The following ANKHD1 variants were observed in gnomAD, a reference collection of about 807,000 sequenced individuals.
ANKHD1 encodes the protein ankyrin repeat and KH domain-containing protein 1.
ANKHD1 carries 31 observed loss-of-function variants against 230.5 expected under a neutral mutation model. That is an observed-to-expected ratio of 0.13 (90% CI 0.10 to 0.18). The LOEUF (loss-of-function observed/expected upper bound fraction) is 0.18, where lower values mean the gene tolerates loss of function less well. ANKHD1 is among the 10% of genes least tolerant of loss of function. The probability of loss-of-function intolerance (pLI) is 1.00; values close to 1 mark genes in which losing one functional copy is unlikely to be tolerated. For synonymous variants in ANKHD1, 1,074 were observed against 1,117.6 expected, an observed-to-expected ratio of 0.96 and a Z score of 0.78; for missense variants, 2,256 against 3,071.3, an observed-to-expected ratio of 0.73 and a Z score of 6.27.
intron 10 of ANKHD1, among the ~76,000 whole-genome samples, chr5:140,478,468 A>G (rs1158104222): frequency 1.3e-5 from 2 of 151,904 alleles, no homozygotes; most frequent in Non-Finnish European, 1.5e-5. Context: ...ATAAATGTGA[A>G]TGCTCAGGTG....
chr5:140,457,275 C>T (rs1581274313), intron 7 of ANKHD1, among the ~76,000 whole-genome samples: 2 of 152,194 alleles, frequency 1.3e-5, no homozygotes, highest in African/African-American at 4.8e-5. Flanking sequence ...ACTAGTTCAA[C>T]CATTGTGGTA....
chr5:140,470,380 A>C (rs1306252790), intron 10 of ANKHD1, among the ~76,000 whole-genome samples: 1 of 145,778 alleles, frequency 6.9e-6, no homozygotes, highest in Non-Finnish European at 1.5e-5. Context: ...GTGGGGTGAT[A>C]TTTTCTTTTT....
chr5:140,505,647 C>T (rs1038023036), intron 17 of ANKHD1, 77 bp from the exon 18 acceptor site: 2 of 1,505,820 alleles, frequency 1.3e-6, no homozygotes, highest in Admixed American at 2.3e-5. Flanking sequence ...TGCTAAAATA[C>T]TAGAGAATTG....
chr5:140,436,311 T>C, intron 2 of ANKHD1, 54 bp downstream of exon 2: 4 of 1,375,632 alleles, frequency 2.9e-6, no homozygotes, highest in Non-Finnish European at 2.8e-6. Context: ...TAGATCTCTT[T>C]ACAGTTACAT....
chr5:140,480,376 A>G (rs1015149838), intron 10 of ANKHD1, among the ~76,000 whole-genome samples: 1 of 152,110 alleles, frequency 6.6e-6, no homozygotes, highest in African/African-American at 2.4e-5. Flanking sequence ...TTTTAAATAT[A>G]CAGAATTAAC....
In ANKHD1 at chr5:140,470,345, AT is replaced by A. The variant is rs747520769; in HGVS notation, c.1782+5583del. 6.6e-3 allele frequency among the ~76,000 whole-genome samples: 939 copies of A among 142,448 alleles called. 1 individual carries two copies. The highest frequency in any genetic ancestry group is 9.1e-3 in the Non-Finnish European group (590 of 64,610). The allele number at this position is 142,448 out of a possible 152,430, so 93.5% of individuals were successfully genotyped here. ...GTTGTCATAGTATTTAATTTTTAAA[AT>A]TTTTTTTTTTTTTAGTGGTGACCGT... On this transcript the variant is annotated intron_variant, in intron 10 of 33. Coordinates refer to ENST00000360839, the MANE Select transcript of ANKHD1 (RefSeq NM_017747.3).
intron 7 of ANKHD1, among the ~76,000 whole-genome samples, chr5:140,452,821 C>G (rs775905228): frequency 9.2e-5 from 14 of 152,172 alleles, no homozygotes; most frequent in Non-Finnish European, 1.6e-4. Flanking sequence ...CTCTCCCCCT[C>G]CAAAGGAACG....
chr5:140,533,132 G>A (rs1720621226), intron 29 of ANKHD1, among the ~76,000 whole-genome samples: 2 of 151,036 alleles, frequency 1.3e-5, no homozygotes, highest in African/African-American at 4.9e-5. Context: ...CTTTACAAAA[G>A]ACTGACAGAT....
At chr5:140,436,078 A>T in intron 1 of ANKHD1, 26 bp from the exon 2 acceptor site, 2 of 1,507,770 alleles carry the variant, frequency 1.3e-6, no homozygotes, top group Non-Finnish European at 1.8e-6. Context: ...AGTTTCATGG[A>T]TATTGCATCT....
At chr5:140,410,231 T>TA (rs1279642931) in intron 1 of ANKHD1, among the ~76,000 whole-genome samples, 2 of 152,206 alleles carry the variant, frequency 1.3e-5, no homozygotes, top group Admixed American at 6.5e-5. Context: ...TCCCTACTGT[T>TA]ACACAGATGG....
chr5:140,454,835 T>C (rs2126954726), intron 7 of ANKHD1, among the ~76,000 whole-genome samples: 1 of 152,156 alleles, frequency 6.6e-6, no homozygotes, highest in South Asian at 2.1e-4. Context: ...ATTCAAAAGC[T>C]AGCAGAAGGC....
intron 24 of ANKHD1, among the ~76,000 whole-genome samples, chr5:140,520,581 A>G (rs919865465): frequency 3.9e-5 from 6 of 151,910 alleles, no homozygotes; most frequent in Admixed American, 3.3e-4. Context: ...CATATACACC[A>G]TGGAATACTA....
At chr5:140,468,148 C>A (rs188162398) in intron 10 of ANKHD1, among the ~76,000 whole-genome samples, 5 of 133,630 alleles carry the variant, frequency 3.7e-5, no homozygotes, top group African/African-American at 1.4e-4. Flanking sequence ...GATCTCGGCT[C>A]ACTGCAACCT....
Position 140,402,030 on chromosome 5 carries a change from G to A in ANKHD1, c.63G>A (p.Pro21=). 1 of 1,503,474 alleles carries A rather than the reference G, an allele frequency of 6.7e-7. No homozygotes were observed. The highest frequency in any genetic ancestry group is 8.8e-7 in the Non-Finnish European group (1 of 1,132,114). The allele number at this position is 1,503,474 out of a possible 1,614,324, so 93.1% of individuals were successfully genotyped here. Residue 21 remains proline (P), a synonymous_variant, in exon 1 of 34, where the codon CCG becomes CCA. Transcript: ENST00000360839. ...AGGAGGACCTGGACTCTGTGGCTCC[G>A]CGATCCGCCCCAGCTGGGGCCTCGG... The part of the protein sequence containing the change: ...SFEEDLDSVA[P]RSAPAGASEP...
intron 30 of ANKHD1, among the ~76,000 whole-genome samples, chr5:140,536,379 C>A (rs1254279269): frequency 6.6e-6 from 1 of 152,220 alleles, no homozygotes; most frequent in African/African-American, 2.4e-5. Context: ...CAGGCGTGAG[C>A]CACCTGCCTG....
rs758871325 is a variant in ANKHD1, at chr5:140,485,578, T to C, written c.1999-11T>C. 6.2e-7 allele frequency: 1 copy of C among 1,611,918 alleles called. No individual in the cohort carries two copies. Among genetic ancestry groups the C allele is most frequent in the Non-Finnish European group, 8.5e-7 (1 of 1,179,414 alleles). On this transcript the variant is annotated splice_polypyrimidine_tract_variant and intron_variant, in intron 12 of 33. Coordinates refer to ENST00000360839, the MANE Select transcript of ANKHD1 (RefSeq NM_017747.3). The surrounding 1 kb of genome is among the most constrained non-coding windows in gnomAD (Gnocchi z 4.8). ...TATAAAGAATTAATTATCATGGCAA[T>C]TCTTTTTCAGGATGGTTCAACAATG...
At chr5:140,457,794 G>A (rs538633640) in intron 7 of ANKHD1, among the ~76,000 whole-genome samples, 6 of 151,536 alleles carry the variant, frequency 4.0e-5, no homozygotes, top group African/African-American at 1.2e-4. Flanking sequence ...CATGGCACAC[G>A]TATACGTATG....
intron 25 of ANKHD1, 43 bp from the exon 26 acceptor site, chr5:140,525,953 A>T: frequency 6.6e-7 from 1 of 1,522,972 alleles, no homozygotes; most frequent in South Asian, 1.4e-5. Context: ...TTGTTTTGAG[A>T]TCTGTGACTC....
At chr5:140,468,576 T>C (rs763254486) in intron 10 of ANKHD1, among the ~76,000 whole-genome samples, 10 of 152,202 alleles carry the variant, frequency 6.6e-5, no homozygotes, top group Non-Finnish European at 1.5e-4. Context: ...TTAAATCTTA[T>C]AAATAGAAAA....
Sources: gnomAD v4.1 joint callset for allele counts (sites outside exome capture counted in the v4.1 genomes callset) on GRCh38, gnomAD v4.1.1 for gene constraint, Gnocchi (gnomAD v3.1) non-coding constraint, MANE v1.5 for transcripts, NCBI Gene and HGNC (gene_info 2026-07-23, HGNC 2026-07-21) for gene names.